The following PSME4 variants were observed in gnomAD, a reference collection of about 807,000 sequenced individuals.
PSME4 encodes the protein proteasome activator complex subunit 4.
In PSME4, 89 loss-of-function variants were observed where a neutral mutation model predicts 253.9. The observed-to-expected ratio is 0.35, with a 90% confidence interval of 0.30 to 0.42. The LOEUF (loss-of-function observed/expected upper bound fraction) is 0.42, where lower values mean the gene tolerates loss of function less well. PSME4 is among the 10% of genes least tolerant of loss of function. PSME4 has a pLI of 1.00. For synonymous variants in PSME4, 851 were observed against 759.2 expected (o/e 1.12, Z -1.99); for missense variants, 2,014 against 2,195.2 (o/e 0.92, Z 1.65).
intron 42 of PSME4, 97 bp downstream of exon 42, chr2:53,875,529 CA>C: frequency 8.3e-7 from 1 of 1,209,772 alleles, no homozygotes; most frequent in Non-Finnish European, 1.1e-6. Context: ...AAATTCAAAA[CA>C]AAAACTAGGC....
chr2:53,951,140 T>A (rs537072921), intron 1 of PSME4, among the ~76,000 whole-genome samples: 1 of 152,240 alleles, frequency 6.6e-6, no homozygotes, highest in South Asian at 2.1e-4. Context: ...TGGAGTGCAG[T>A]GGCCTGATCT....
At chr2:53,923,440 T>C (rs745576677) in intron 14 of PSME4, 21 bp from the exon 15 acceptor site, 62 of 1,558,230 alleles carry the variant, frequency 4.0e-5, no homozygotes, top group Non-Finnish European at 5.1e-5. Flanking sequence ...ATGAAAATGT[T>C]TAATGAGCAT....
intron 20 of PSME4, among the ~76,000 whole-genome samples, chr2:53,916,022 C>G (rs992087658): frequency 5.9e-5 from 9 of 152,036 alleles, no homozygotes; most frequent in Non-Finnish European, 1.3e-4. Context: ...TTGCAGTGAG[C>G]CAAGATAGTG....
At chr2:53,939,830 G>C (rs1408425229) in intron 4 of PSME4, 126 bp downstream of exon 4, 1 of 719,512 alleles carries the variant, frequency 1.4e-6, no homozygotes, top group Non-Finnish European at 2.2e-6. Context: ...GGTATGTTGT[G>C]CTCAGTGACT....
At chr2:53,900,782 T>A (rs891997826) in intron 28 of PSME4, among the ~76,000 whole-genome samples, 1 of 152,144 alleles carries the variant, frequency 6.6e-6, no homozygotes, top group Non-Finnish European at 1.5e-5. Flanking sequence ...GGGAGAGATG[T>A]CAACCATAGT....
At chr2:53,960,220 C>T (rs1021784231) in intron 1 of PSME4, among the ~76,000 whole-genome samples, 2 of 151,456 alleles carry the variant, frequency 1.3e-5, no homozygotes, top group African/African-American at 4.8e-5. Context: ...GCCAACATGG[C>T]GAAACCCATC....
intron 20 of PSME4, among the ~76,000 whole-genome samples, chr2:53,916,805 T>C (rs533188867): frequency 6.6e-6 from 1 of 152,204 alleles, no homozygotes; most frequent in South Asian, 2.1e-4. Context: ...TTTGCCAAAA[T>C]AAAGTTTCAG....
intron 46 of PSME4, 49 bp downstream of exon 46, chr2:53,866,036 T>C (rs1678549734): frequency 1.3e-6 from 2 of 1,499,324 alleles, no homozygotes; most frequent in African/African-American, 2.8e-5. Flanking sequence ...AATAAATATC[T>C]AGTTCTCAGT....
intron 3 of PSME4, among the ~76,000 whole-genome samples, chr2:53,946,635 C>T (rs1573353300): frequency 6.6e-6 from 1 of 152,200 alleles, no homozygotes; most frequent in Admixed American, 6.5e-5. Context: ...GTGGCCCATG[C>T]CTGTAATCCC....
chr2:53,927,303 C>G (rs1668599348), intron 12 of PSME4, 91 bp downstream of exon 12: 3 of 927,354 alleles, frequency 3.2e-6, no homozygotes, highest in Non-Finnish European at 5.2e-6. Flanking sequence ...ATTTTACTTC[C>G]AAAGTCGTTT....
chr2:53,918,264 G>GA (rs1339264645), intron 20 of PSME4, among the ~76,000 whole-genome samples: 1 of 151,800 alleles, frequency 6.6e-6, no homozygotes, highest in Non-Finnish European at 1.5e-5. Context: ...TATTGATGTT[G>GA]AAAAAAATGG....
chr2:53,970,767 C>T lies in PSME4; in HGVS notation c.18G>A (p.Arg6=), dbSNP rs544527439. The T allele has an allele frequency of 3.2e-5, 50 of 1,542,982 alleles. No homozygotes were observed. Among genetic ancestry groups the T allele is most frequent in the East Asian group, 2.5e-5 (1 of 40,672 alleles). The change falls in exon 1 of 47, where the codon CGG becomes CGA. Residue 6 remains arginine, a synonymous_variant. Transcript: ENST00000404125. MEPAE[R]AGVGEPPEPG... is the part of the protein sequence containing the mutation. The stretch of plus-strand genomic sequence containing the variant: ...GCTCCGGGGGCTCTCCGACTCCCGC[C>T]CGCTCGGCCGGCTCCATGAGCCCAG...
intron 44 of PSME4, among the ~76,000 whole-genome samples, chr2:53,868,612 T>TAA (rs1462937052): frequency 7.7e-6 from 1 of 130,438 alleles, no homozygotes; most frequent in East Asian, 2.0e-4. Context: ...TATATATACA[T>TAA]ACATATATAT....
Position 53,908,347 on chromosome 2 carries a change from G to C in PSME4, c.2757C>G (p.Asn919Lys), listed in dbSNP as rs1039009032. The C allele has an allele frequency of 1.9e-6, 3 of 1,612,256 alleles. No homozygotes were observed. Among genetic ancestry groups the C allele is most frequent in the Non-Finnish European group, 2.5e-6 (3 of 1,179,078 alleles). The change falls in exon 24 of 47, where the codon AAC becomes AAG. Residue 919 changes from asparagine (N) to lysine (K), a missense_variant. This residue lies in a region of PSME4 where 989 missense variants were observed against 1,021.1 expected (regional missense o/e 0.97). Coordinates refer to ENST00000404125, the MANE Select transcript of PSME4 (RefSeq NM_014614.3). ...GATTTTCCATTGATTTCTTTACTAA[G>C]TTGAAGCTTTTCCATCGGGAGTCAA... Reference protein sequence around the residue: ...HEFDSRWKSFNLVKKSMENRL... With the variant: ...HEFDSRWKSFKLVKKSMENRL...
chr2:53,965,831 G>A (rs886221114), intron 1 of PSME4, among the ~76,000 whole-genome samples: 11 of 151,804 alleles, frequency 7.2e-5, no homozygotes, highest in Non-Finnish European at 1.5e-4. Flanking sequence ...CATCATGCCC[G>A]GCTAACTTTT....
At chr2:53,865,740 C>T in intron 46 of PSME4, 167 bp from the exon 47 acceptor site, 1 of 184,490 alleles carries the variant, frequency 5.4e-6, no homozygotes, top group East Asian at 1.4e-4. Context: ...ACTTTTAGAA[C>T]CCAGAGTCCT....
At chr2:53,919,409 T>C (rs188858392) in intron 19 of PSME4, among the ~76,000 whole-genome samples, 163 bp from the exon 20 acceptor site, 118 of 152,298 alleles carry the variant, frequency 7.7e-4, no homozygotes, top group African/African-American at 2.8e-3. Context: ...CAATTAAATA[T>C]ATATTTATTG....
intron 41 of PSME4, among the ~76,000 whole-genome samples, chr2:53,876,716 CTTTTTTTT>C (rs10599430): frequency 1.0e-5 from 1 of 97,832 alleles, no homozygotes; most frequent in African/African-American, 3.9e-5. Flanking sequence ...CACTGTCATT[CTTTTTTTT>C]TTTTTTTTTT....
chr2:53,957,441 A>G (rs1670287230), intron 1 of PSME4, among the ~76,000 whole-genome samples: 1 of 152,226 alleles, frequency 6.6e-6, no homozygotes, highest in Non-Finnish European at 1.5e-5. Flanking sequence ...ACAGATCATC[A>G]GGCACAAGAT....
Sources: allele counts gnomAD v4.1 joint callset (sites outside exome capture counted in the v4.1 genomes callset), GRCh38; gene constraint gnomAD v4.1.1; regional missense constraint gnomAD v4.1.1; transcripts MANE v1.5; gene names NCBI Gene and HGNC (gene_info 2026-07-23, HGNC 2026-07-21).